TEX11: variants seen among roughly 807,000 people sequenced by gnomAD.
TEX11 encodes the protein testis expressed 11, also known as testis-expressed protein 11.
TEX11 carries 7 observed loss-of-function variants against 84.4 expected under a neutral mutation model. That is an observed-to-expected ratio of 0.08 (90% CI 0.05 to 0.16). TEX11 has a LOEUF of 0.16. TEX11 is among the 10% of genes least tolerant of loss of function. TEX11 has a pLI of 1.00. For missense variants in TEX11, 551 were observed against 660.5 expected (o/e 0.83, Z 1.82); for synonymous variants, 264 against 222.8 (o/e 1.18, Z -1.64).
chrX:70,779,539 G>GA (rs747001762), intron 9 of TEX11, among the ~76,000 whole-genome samples: 1 of 109,140 alleles, frequency 9.2e-6, no homozygotes, highest in African/African-American at 3.3e-5. Context: ...TTAACAGGCA[G>GA]AAAAAAAATA....
At chrX:70,861,649 T>C (rs1393511197) in intron 4 of TEX11, among the ~76,000 whole-genome samples, 1 of 109,593 alleles carries the variant, frequency 9.1e-6, no homozygotes, top group Non-Finnish European at 1.9e-5. Context: ...GTATTTTTAG[T>C]AGAGACGGGG....
intron 7 of TEX11, among the ~76,000 whole-genome samples, chrX:70,845,489 T>C (rs1185180349): frequency 2.7e-5 from 3 of 111,302 alleles, no homozygotes; most frequent in Admixed American, 9.5e-5. Flanking sequence ...TGAAAACATC[T>C]GCTAAATAGC....
At chrX:70,907,899 T>C (rs2091842786) in intron 1 of TEX11, 89 bp from the exon 2 acceptor site, 2 of 616,253 alleles carry the variant, frequency 3.2e-6, no homozygotes, top group African/African-American at 4.5e-5. Flanking sequence ...CCGTTACTTG[T>C]TATCCAAAGG....
At chrX:70,866,883 A>G (rs1460509935) in intron 4 of TEX11, among the ~76,000 whole-genome samples, 1 of 112,108 alleles carries the variant, frequency 8.9e-6, no homozygotes, top group Non-Finnish European at 1.9e-5. Context: ...CAAAATAATA[A>G]GAGCTATTTA....
intron 28 of TEX11, among the ~76,000 whole-genome samples, chrX:70,543,104 C>T (rs1233646451): frequency 9.0e-6 from 1 of 111,110 alleles, no homozygotes; most frequent in African/African-American, 3.3e-5. Context: ...ATGGCGTGAA[C>T]CTGGGAGGTG....
At chrX:70,525,154 C>T (rs1233251765), downstream of TEX11, among the ~76,000 whole-genome samples, 2 of 110,981 alleles carry the variant, frequency 1.8e-5, no homozygotes, top group East Asian at 5.7e-4. Flanking sequence ...GCACTGTGGC[C>T]TGGGTGACAG....
chrX:70,667,653 C>A (rs1166773655), intron 16 of TEX11, among the ~76,000 whole-genome samples: 1 of 111,877 alleles, frequency 8.9e-6, no homozygotes, highest in East Asian at 2.8e-4. Flanking sequence ...GTAGGCCGGG[C>A]GCGGTGGCTC....
chrX:70,900,127 T>C (rs1374822964), intron 2 of TEX11, among the ~76,000 whole-genome samples: 1 of 105,155 alleles, frequency 9.5e-6, no homozygotes. Flanking sequence ...GCCGAGATGG[T>C]GCAACTGCAC....
At position 70,748,852 on chromosome X, in the gene TEX11, T is replaced by C. The variant is rs747262664; in HGVS notation, c.693-4633A>G. 4.1e-3 allele frequency among the ~76,000 whole-genome samples: 401 copies of C among 96,807 alleles called. 5 individuals are homozygous for C. The highest frequency in any genetic ancestry group is 0.015 in the African/African-American group (381 of 25,390). 84.1% of individuals were successfully genotyped at this position (96,807 alleles called of 115,157 possible). On this transcript the variant is annotated intron_variant, in intron 9 of 29. Transcript: ENST00000374333. The stretch of plus-strand genomic sequence containing the variant: ...TGTAGTATAGTTTGAAGTCAGGTAG[T>C]GTGATGCCTCCAGCTTTGTTCTTTT...
chrX:70,516,154 T>G, the TEX11 span, among the ~76,000 whole-genome samples: 6,686 of 111,822 alleles, frequency 0.06, 170 homozygotes, highest in African/African-American at 0.095. Context: ...TTTTGGCTTT[T>G]GTTGCCATTG....
chrX:70,600,369 A>G (rs1365453018), intron 24 of TEX11, among the ~76,000 whole-genome samples: 3 of 111,376 alleles, frequency 2.7e-5, no homozygotes, highest in Non-Finnish European at 5.7e-5. Flanking sequence ...TCATAAAGCA[A>G]GTCCTGAGTG....
chrX:70,733,211 T>C (rs374801712), intron 11 of TEX11, among the ~76,000 whole-genome samples: 3 of 111,331 alleles, frequency 2.7e-5, no homozygotes, highest in Non-Finnish European at 3.8e-5. Flanking sequence ...AGAAGAAAAC[T>C]TAGGCAATAC....
intron 28 of TEX11, among the ~76,000 whole-genome samples, chrX:70,546,018 C>T (rs893552245): frequency 8.9e-5 from 10 of 111,831 alleles, no homozygotes; most frequent in Non-Finnish European, 1.7e-4. Flanking sequence ...TGTTTTATAG[C>T]TCTCTTATAA....
At position 70,702,359 on chromosome X, in the gene TEX11, AT is replaced by A. The variant is rs764692965; in HGVS notation, c.1005-19535del. On this transcript the variant is annotated intron_variant, in intron 13 of 29. Transcript: ENST00000374333. ...CAACTCACTGAAGGCTCAGATTATT[AT>A]TTTTTTTTAGCAATAACGTATTTTA... is the stretch of plus-strand genomic sequence containing the variant. 5.3e-3 allele frequency among the ~76,000 whole-genome samples: 584 copies of A among 110,346 alleles called. 2 individuals are homozygous for A. Among genetic ancestry groups the A allele is most frequent in the East Asian group, 0.023 (81 of 3,521 alleles).
rs182075074 is a variant in TEX11, at chrX:70,825,122, G to A, written c.606+8391C>T. On this transcript the variant is annotated intron_variant, in intron 8 of 29. Coordinates refer to ENST00000374333, the MANE Select transcript of TEX11 (RefSeq NM_031276.3). ...TGAGGTCAATTCTGAGACCAGCCTG[G>A]CCAACATGGCGAAACCCTGTCTCTA... Among the ~76,000 whole-genome samples the A allele has an allele frequency of 4.3e-3, 469 of 110,160 alleles. 2 individuals carry two copies. The highest frequency in any genetic ancestry group is 6.6e-3 in the Non-Finnish European group (349 of 52,827).
At chrX:70,825,849 A>G (rs909223807) in intron 8 of TEX11, among the ~76,000 whole-genome samples, 2 of 110,572 alleles carry the variant, frequency 1.8e-5, no homozygotes, top group Non-Finnish European at 3.8e-5. Context: ...TAGTGGCAGG[A>G]GCCTGTAATC....
intron 25 of TEX11, among the ~76,000 whole-genome samples, chrX:70,556,427 C>T (rs1375563647): frequency 8.9e-6 from 1 of 111,755 alleles, no homozygotes; most frequent in Non-Finnish European, 1.9e-5. Flanking sequence ...GAAGGTTTTA[C>T]AGATAACTTT....
chrX:70,845,854 G>C (rs759668569), intron 7 of TEX11, among the ~76,000 whole-genome samples: 1 of 110,490 alleles, frequency 9.1e-6, no homozygotes, highest in Non-Finnish European at 1.9e-5. Flanking sequence ...TAGTTAATTC[G>C]GCTCACAAAT....
chrX:70,536,989 G>C (rs1188754674), intron 28 of TEX11, among the ~76,000 whole-genome samples: 1 of 111,995 alleles, frequency 8.9e-6, no homozygotes, highest in Non-Finnish European at 1.9e-5. Flanking sequence ...GGAACCATCT[G>C]TAGGCAGAGA....
Sources: allele counts gnomAD v4.1 joint callset (sites outside exome capture counted in the v4.1 genomes callset), GRCh38; gene constraint gnomAD v4.1.1; transcripts MANE v1.5; gene names NCBI Gene and HGNC (gene_info 2026-07-23, HGNC 2026-07-21).